The following SBNO1 variants were observed in gnomAD, a reference collection of about 807,000 sequenced individuals.
SBNO1 encodes the protein strawberry notch homolog 1.
Under a neutral mutation model 173.6 loss-of-function variants are expected in SBNO1, and 23 were observed. The observed-to-expected ratio is 0.13, with a 90% CI of 0.10 to 0.19. The LOEUF (loss-of-function observed/expected upper bound fraction) is 0.19, where lower values mean the gene tolerates loss of function less well. Among genes scored for constraint, SBNO1 ranks in the 10% least tolerant of loss-of-function variants. The probability of loss-of-function intolerance (pLI) is 1.00; values close to 1 mark genes in which losing one functional copy is unlikely to be tolerated. For synonymous variants in SBNO1, 632 were observed against 571.5 expected (o/e 1.11, Z -1.51); for missense variants, 1,238 against 1,671.2 (o/e 0.74, Z 4.52).
intron 1 of SBNO1, among the ~76,000 whole-genome samples, chr12:123,363,034 T>G (rs970732837): frequency 6.6e-6 from 1 of 152,078 alleles, no homozygotes; most frequent in Non-Finnish European, 1.5e-5. Context: ...TGCAGTGAGC[T>G]ATGACCACGT....
At chr12:123,333,678 C>G (rs1039586368) in intron 7 of SBNO1, among the ~76,000 whole-genome samples, 1 of 151,660 alleles carries the variant, frequency 6.6e-6, no homozygotes, top group African/African-American at 2.4e-5. Flanking sequence ...TTGTATTTTT[C>G]GTAGACATGA....
rs1357202973 is a variant in SBNO1, at chr12:123,340,997, G to C, written c.642C>G (p.Ser214=). ...GTTATTTGAAACTCACCATGGTTGG[G>C]GAAAAACTCCTCATCTTCATGTCGT... ...WINDMKMRSF[S]PTMKVPVVKE... is the part of the protein sequence containing the mutation. Residue 214 remains serine, a synonymous_variant, in exon 5 of 32, where the codon TCC becomes TCG. Coordinates refer to ENST00000602398, the MANE Select transcript of SBNO1 (RefSeq NM_001167856.3). 1 of 1,577,744 alleles carries C rather than the reference G, an allele frequency of 6.3e-7. No individual in the cohort carries two copies. The highest frequency in any genetic ancestry group is 1.8e-5 in the Admixed American group (1 of 57,034).
At chr12:123,312,247 T>C (rs1447022014) in intron 24 of SBNO1, among the ~76,000 whole-genome samples, 1 of 151,552 alleles carries the variant, frequency 6.6e-6, no homozygotes, top group African/African-American at 2.4e-5. Flanking sequence ...GACCAGGGAG[T>C]TGTTTCTGAC....
intron 28 of SBNO1, among the ~76,000 whole-genome samples, chr12:123,306,326 A>G (rs1032327880): frequency 3.3e-5 from 5 of 152,190 alleles, no homozygotes; most frequent in African/African-American, 1.2e-4. Flanking sequence ...CAATGGCAGC[A>G]CAGGCTACAC....
Position 123,341,104 on chromosome 12 carries a change from T to C in SBNO1, c.551-16A>G, listed in dbSNP as rs757869049. 5 of 1,365,158 alleles carry C rather than the reference T, an allele frequency of 3.7e-6. No individual in the cohort carries two copies. The highest frequency in any genetic ancestry group is 4.1e-6 in the Non-Finnish European group (4 of 987,618). 84.6% of individuals were successfully genotyped at this position (1,365,158 alleles called of 1,614,324 possible). On this transcript the variant is annotated splice_polypyrimidine_tract_variant and intron_variant, in intron 4 of 31. Coordinates refer to ENST00000602398, the MANE Select transcript of SBNO1 (RefSeq NM_001167856.3). Reference sequence around the variant, plus strand: ...CTTACATCAGCTGAGGAGGAAAAAGTCAAATTACATTTAGAAGAAAATTCT... The same window carrying C: ...CTTACATCAGCTGAGGAGGAAAAAGCCAAATTACATTTAGAAGAAAATTCT...
Position 123,298,120 on chromosome 12 carries a change from A to C in SBNO1, c.3897T>G (p.Leu1299=). 6.2e-7 allele frequency: 1 copy of C among 1,611,272 alleles called. No homozygotes were observed. Residue 1299 remains leucine (L), a synonymous_variant, in exon 31 of 32, where the codon CTT becomes CTG. Transcript: ENST00000602398. ...ASLGLVCEIG[L]RCRTYYVLCG... The stretch of plus-strand genomic sequence containing the variant: ...ATAATACATAATATGTACGGCAACG[A>C]AGACCTATTTCACAAACTAGCCCCA...
Position 123,309,461 on chromosome 12 carries a change from G to A in SBNO1, c.3537+28C>T, listed in dbSNP as rs200240298. The stretch of plus-strand genomic sequence containing the variant: ...CTGTAAATGCATCTCATGGGAAGAC[G>A]ATACTTCACAACATTTTCTAAACTT... On this transcript the variant is annotated intron_variant, in intron 27 of 31. Coordinates refer to ENST00000602398, the MANE Select transcript of SBNO1 (RefSeq NM_001167856.3). The A allele has an allele frequency of 3.4e-4, 540 of 1,597,254 alleles. 3 individuals are homozygous for A. The highest frequency in any genetic ancestry group is 1.1e-4 in the African/African-American group (8 of 74,610).
Position 123,320,312 on chromosome 12 carries a change from T to G in SBNO1, c.2667+120A>C, listed in dbSNP as rs200025530. The G allele has an allele frequency of 1.6e-5, 16 of 1,030,920 alleles. No homozygotes were observed. In the East Asian group the frequency reaches 3.9e-4, roughly 25 times the overall value. 63.9% of individuals were successfully genotyped at this position (1,030,920 alleles called of 1,614,324 possible). A position where few individuals can be genotyped will look rare whatever the true frequency, so the allele number is the denominator to read the frequency against. ...ATTGGATGTAGGATGGCAACTAAAG[T>G]AGAACAAGAATTCTATGATCTAAGA... On this transcript the variant is annotated intron_variant, in intron 19 of 31. Coordinates refer to ENST00000602398, the MANE Select transcript of SBNO1 (RefSeq NM_001167856.3).
At chr12:123,324,303 A>C (rs1566036239) in intron 15 of SBNO1, among the ~76,000 whole-genome samples, 1 of 148,548 alleles carries the variant, frequency 6.7e-6, no homozygotes, top group Non-Finnish European at 1.5e-5. Context: ...ATAGATTAGC[A>C]GGTGTATGTC....
At chr12:123,346,596 G>A (rs140582276) in intron 3 of SBNO1, among the ~76,000 whole-genome samples, 18 of 152,140 alleles carry the variant, frequency 1.2e-4, no homozygotes, top group African/African-American at 1.7e-4. Flanking sequence ...CACAGGAGGC[G>A]GAGGTTGCAG....
At chr12:123,334,657 G>A (rs1319922458) in intron 6 of SBNO1, among the ~76,000 whole-genome samples, 2 of 152,106 alleles carry the variant, frequency 1.3e-5, no homozygotes, top group Admixed American at 6.6e-5. Flanking sequence ...GCAGGGAGCC[G>A]AGACTGTGCC....
At chr12:123,358,103 T>C (rs866332211) in intron 1 of SBNO1, among the ~76,000 whole-genome samples, 15 of 152,316 alleles carry the variant, frequency 9.8e-5, no homozygotes, top group African/African-American at 3.6e-4. Context: ...CATAATGAGA[T>C]ATCTTAGAGA....
rs754522469 is a variant in SBNO1 at position 123,326,287 on chromosome 12, A to G, written c.1740T>C (p.Asp580=). The G allele has an allele frequency of 2.5e-6, 4 of 1,612,642 alleles. No individual in the cohort carries two copies. The South Asian group carries it at 4.4e-5, about 18-fold the overall frequency. The change falls in exon 14 of 32, where the codon GAT becomes GAC. Residue 580 remains aspartate (D), a synonymous_variant. Coordinates refer to ENST00000602398, the MANE Select transcript of SBNO1 (RefSeq NM_001167856.3). ...TGGACTTCTTCATTCGTTGCTCAGCATCAATCAGATCTGCAGCTTGCTGAA... is the reference window on the plus strand; with the variant it reads ...TGGACTTCTTCATTCGTTGCTCAGCGTCAATCAGATCTGCAGCTTGCTGAA... ...ERFQQAADLI[D]AEQRMKKSMW... is the part of the protein sequence containing the mutation.
At chr12:123,296,390 C>T (rs566309168) in intron 31 of SBNO1, among the ~76,000 whole-genome samples, 1 of 121,932 alleles carries the variant, frequency 8.2e-6, no homozygotes, top group East Asian at 3.6e-4. Flanking sequence ...GACTACAGAA[C>T]AGAAGTTGCA....
chr12:123,354,838 C>T (rs1206342178), intron 1 of SBNO1, among the ~76,000 whole-genome samples: 2 of 149,968 alleles, frequency 1.3e-5, no homozygotes, highest in African/African-American at 4.9e-5. Flanking sequence ...AAGTTACTAA[C>T]CACGGAAGGT....
intron 3 of SBNO1, among the ~76,000 whole-genome samples, chr12:123,345,985 T>C (rs1873085925): frequency 6.6e-6 from 1 of 152,200 alleles, no homozygotes; most frequent in South Asian, 2.1e-4. Context: ...TAGTACTTCA[T>C]TTCTGATTTG....
chr12:123,316,574 C>T (rs901319393), intron 21 of SBNO1, among the ~76,000 whole-genome samples: 1 of 151,988 alleles, frequency 6.6e-6, no homozygotes, highest in Non-Finnish European at 1.5e-5. Context: ...GGCTGGAGTG[C>T]AGTGGTGAAA....
intron 1 of SBNO1, 101 bp downstream of exon 1, chr12:123,364,600 G>A (rs551947951): frequency 4.1e-6 from 4 of 979,642 alleles, no homozygotes; most frequent in Non-Finnish European, 4.8e-6. Flanking sequence ...CGAGGTGGCT[G>A]TCCCCCCAGC....
intron 28 of SBNO1, among the ~76,000 whole-genome samples, chr12:123,308,181 C>T (rs577393044): frequency 6.6e-6 from 1 of 151,732 alleles, no homozygotes; most frequent in Admixed American, 6.6e-5. Context: ...CAAGATACTG[C>T]TGAATATCTA....
Sources: gnomAD v4.1 joint callset for allele counts (sites outside exome capture counted in the v4.1 genomes callset) on GRCh38, gnomAD v4.1.1 for gene constraint, MANE v1.5 for transcripts, NCBI Gene and HGNC (gene_info 2026-07-23, HGNC 2026-07-21) for gene names.